The following GSE1 variants were observed in gnomAD, a reference collection of about 807,000 sequenced individuals.
GSE1 encodes the protein genetic suppressor element 1.
GSE1 carries 32 observed loss-of-function variants against 112.6 expected under a neutral mutation model. That is an observed-to-expected ratio of 0.28 (90% confidence interval 0.21 to 0.38). GSE1 has a LOEUF of 0.38. Ranked by LOEUF, GSE1 falls within the 10% of genes least tolerant of loss-of-function variation. The pLI is 1.00. For synonymous variants in GSE1, 1,115 were observed against 735.6 expected, an observed-to-expected ratio of 1.52 and a Z score of -8.35; for missense variants, 2,348 against 1,699.2, an observed-to-expected ratio of 1.38 and a Z score of -6.71.
At chr16:85,505,701 G>C (rs1046667871) in intron 2 of GSE1, among the ~76,000 whole-genome samples, 1 of 152,088 alleles carries the variant, frequency 6.6e-6, no homozygotes. Context: ...GAATCTTCTG[G>C]AAACTCTGCC....
At chr16:85,671,184 G>GCTCTCT in intron 15 of GSE1, 86 bp downstream of exon 15, 2 of 776,366 alleles carry the variant, frequency 2.6e-6, no homozygotes, top group East Asian at 5.2e-5. Flanking sequence ...GTTTCAGAGA[G>GCTCTCT]GAAATGTGCT....
At chr16:85,177,608 T>C (rs2143235923) in intron 1 of GSE1, among the ~76,000 whole-genome samples, 1 of 152,316 alleles carries the variant, frequency 6.6e-6, no homozygotes, top group South Asian at 2.1e-4. Flanking sequence ...TGTCTCATTC[T>C]GCCATCTCGT....
At chr16:85,627,333 C>T (rs888993630) in intron 1 of GSE1, among the ~76,000 whole-genome samples, 6 of 151,890 alleles carry the variant, frequency 4.0e-5, no homozygotes, top group African/African-American at 9.7e-5. Context: ...CTCAGCTCTG[C>T]CAGGCAGACT....
intron 2 of GSE1, among the ~76,000 whole-genome samples, chr16:85,437,602 G>A (rs527995982): frequency 2.6e-5 from 4 of 152,106 alleles, no homozygotes; most frequent in Non-Finnish European, 4.4e-5. Flanking sequence ...GATTGGGATC[G>A]GAGACCAGGA....
chr16:85,576,711 T>G (rs1205712767), intron 1 of GSE1, among the ~76,000 whole-genome samples: 1 of 152,232 alleles, frequency 6.6e-6, no homozygotes, highest in Admixed American at 6.5e-5. Context: ...CTTTCCCAAG[T>G]GTCCAGGAGG....
intron 3 of GSE1, among the ~76,000 whole-genome samples, chr16:85,652,004 G>A (rs1038891443): frequency 3.4e-4 from 51 of 152,230 alleles, no homozygotes; most frequent in Non-Finnish European, 5.6e-4. Context: ...GGGTAGGGGC[G>A]TGAGGCAGGA....
chr16:85,417,137 A>G lies in GSE1; in HGVS notation c.2464+59494A>G, dbSNP rs118089728. ...TCCCAAAATTACAAATTATAGTTCAAATTACAGGTGTGAGCCACCATGCCC... is the reference window on the plus strand; with the variant it reads ...TCCCAAAATTACAAATTATAGTTCAGATTACAGGTGTGAGCCACCATGCCC... On this transcript the variant is annotated intron_variant, in intron 2 of 2. Transcript: ENST00000637419. Among the ~76,000 whole-genome samples the G allele has an allele frequency of 9.7e-4, 147 of 152,144 alleles. 1 individual carries two copies. In the East Asian group the frequency reaches 0.025, roughly 26 times the overall value.
chr16:85,575,776 T>C (rs893733930), intron 1 of GSE1, among the ~76,000 whole-genome samples: 1 of 152,232 alleles, frequency 6.6e-6, no homozygotes, highest in African/African-American at 2.4e-5. Flanking sequence ...TGATTATCAC[T>C]ATATAGCAGA....
At chr16:85,309,607 A>AC (rs1555558985) in intron 1 of GSE1, among the ~76,000 whole-genome samples, 1 of 152,174 alleles carries the variant, frequency 6.6e-6, no homozygotes, top group East Asian at 1.9e-4. Context: ...CACGTGGCCC[A>AC]CCCCCCGGAT....
intron 2 of GSE1, among the ~76,000 whole-genome samples, chr16:85,536,761 G>A (rs182865300): frequency 6.6e-6 from 1 of 152,334 alleles, no homozygotes; most frequent in Non-Finnish European, 1.5e-5. Context: ...TGAGAGGGAG[G>A]GAAGAGGTGC....
upstream of GSE1, among the ~76,000 whole-genome samples, chr16:85,610,341 G>C (rs868050060): frequency 6.6e-6 from 1 of 152,222 alleles, no homozygotes; most frequent in Non-Finnish European, 1.5e-5. Flanking sequence ...AAAGAGAGCT[G>C]TGCCCAGGAA....
chr16:85,656,605 C>G lies in GSE1; in HGVS notation c.1252C>G (p.Arg418Gly). 6.5e-7 allele frequency: 1 copy of G among 1,545,852 alleles called. No individual in the cohort carries two copies. The highest frequency in any genetic ancestry group is 8.7e-7 in the Non-Finnish European group (1 of 1,144,982). ...GCCCGTGGCCGAGCTGCATGGGCTG[C>G]GTGGCCATGCCACTGAGGAGCGGGG... ...FLPVAELHGL[R>G]GHATEERGKP... Residue 418 changes from arginine (R) to glycine (G), a missense_variant, in exon 7 of 16, where the codon CGT becomes GGT. Physicochemically the swap from Arg to Gly is moderately radical, Grantham distance 125. Coordinates refer to ENST00000253458, the MANE Select transcript of GSE1 (RefSeq NM_014615.5).
At chr16:85,580,979 C>T (rs1388981607) in intron 1 of GSE1, among the ~76,000 whole-genome samples, 1 of 152,242 alleles carries the variant, frequency 6.6e-6, no homozygotes, top group Non-Finnish European at 1.5e-5. Context: ...GTAGCCTGAG[C>T]AGAGATGCAC....
chr16:85,257,762 C>T (rs1168663225), intron 1 of GSE1, among the ~76,000 whole-genome samples: 1 of 152,194 alleles, frequency 6.6e-6, no homozygotes, highest in African/African-American at 2.4e-5. Flanking sequence ...CTGTAGTGAG[C>T]CGCGATGGCA....
intron 2 of GSE1, among the ~76,000 whole-genome samples, chr16:85,473,575 C>G (rs1175303890): frequency 1.3e-5 from 2 of 152,220 alleles, no homozygotes; most frequent in East Asian, 3.9e-4. Context: ...CCGCATGTCC[C>G]TGCTCTGTCT....
exon 1 of GSE1, chr16:85,171,184 G>A (rs2074353397): frequency 1.0e-6 from 1 of 985,502 alleles, no homozygotes; most frequent in Non-Finnish European, 1.2e-6. Flanking sequence ...CTGCCAGAAC[G>A]AGGAGCTCAT....
At chr16:85,611,762 C>T (rs1273988326), upstream of GSE1, among the ~76,000 whole-genome samples, 1 of 152,020 alleles carries the variant, frequency 6.6e-6, no homozygotes. Context: ...CTGGCGCGGG[C>T]CCCGAACGCT....
At chr16:85,195,774 G>A (rs547530983) in intron 1 of GSE1, among the ~76,000 whole-genome samples, 10 of 152,198 alleles carry the variant, frequency 6.6e-5, no homozygotes, top group African/African-American at 2.4e-4. Flanking sequence ...TCCCGGAAAG[G>A]TTAGAAAGAA....
At chr16:85,522,092 G>T (rs563072403) in intron 2 of GSE1, among the ~76,000 whole-genome samples, 28 of 152,314 alleles carry the variant, frequency 1.8e-4, no homozygotes, top group Admixed American at 1.6e-3. Context: ...ATATCTGGGC[G>T]GATGGCTGCT....
Sources: allele counts gnomAD v4.1 joint callset (sites outside exome capture counted in the v4.1 genomes callset), GRCh38; gene constraint gnomAD v4.1.1; transcripts MANE v1.5; gene names NCBI Gene and HGNC (gene_info 2026-07-23, HGNC 2026-07-21).